Variants in EYS observed in about 807,000 individuals in gnomAD.
The protein encoded by EYS is protein eyes shut homolog.
A neutral mutation model predicts 282.1 loss-of-function variants in EYS; 250 were observed. The ratio of observed to expected loss-of-function variants is 0.89; its 90% CI spans 0.80 to 0.98. EYS has a LOEUF of 0.98. Among genes scored for constraint, EYS ranks in the 50% least tolerant of loss-of-function variants. EYS has a pLI of 0.00. For synonymous variants in EYS, 1,355 were observed against 1,282.9 expected (o/e 1.06, Z -1.20); for missense variants, 4,016 against 3,709.0 (o/e 1.08, Z -2.15).
At chr6:64,239,283 T>A (rs1174439976) in intron 30 of EYS, among the ~76,000 whole-genome samples, 1 of 152,230 alleles carries the variant, frequency 6.6e-6, no homozygotes, top group Non-Finnish European at 1.5e-5. Flanking sequence ...ATGGGATTGC[T>A]GGGTCAAATG....
chr6:65,520,857 G>A (rs561077177), intron 2 of EYS, among the ~76,000 whole-genome samples: 5 of 151,912 alleles, frequency 3.3e-5, no homozygotes, highest in African/African-American at 1.2e-4. Flanking sequence ...GAATTTCATT[G>A]GACGAAGGGT....
chr6:64,422,340 G>C (rs1774264347), intron 28 of EYS, among the ~76,000 whole-genome samples: 1 of 152,112 alleles, frequency 6.6e-6, no homozygotes, highest in Non-Finnish European at 1.5e-5. Context: ...TGCTGAAAGG[G>C]ATACAGACAA....
intron 13 of EYS, among the ~76,000 whole-genome samples, chr6:65,015,971 G>A (rs2150135741): frequency 1.3e-5 from 2 of 150,496 alleles, no homozygotes; most frequent in South Asian, 4.2e-4. Flanking sequence ...CTTGAACCCA[G>A]GAGGCAGATG....
chr6:64,596,493 C>T (rs1465094558), intron 24 of EYS, among the ~76,000 whole-genome samples: 3 of 152,144 alleles, frequency 2.0e-5, no homozygotes, highest in East Asian at 1.9e-4. Context: ...CTTAAAGCAG[C>T]ATGGCATTGG....
intron 12 of EYS, among the ~76,000 whole-genome samples, chr6:65,141,055 C>A (rs559553242): frequency 1.3e-5 from 2 of 151,532 alleles, no homozygotes; most frequent in South Asian, 4.2e-4. Context: ...ATGTTTATTG[C>A]GGCACTATTC....
chr6:64,760,096 G>C (rs1339185417), intron 22 of EYS, among the ~76,000 whole-genome samples: 2 of 152,134 alleles, frequency 1.3e-5, no homozygotes, highest in Non-Finnish European at 2.9e-5. Flanking sequence ...TTGGAATGCT[G>C]AGTACAAACT....
intron 30 of EYS, among the ~76,000 whole-genome samples, chr6:64,275,728 G>A (rs149302845): frequency 0.01 from 1,555 of 151,444 alleles, 23 homozygotes; most frequent in East Asian, 0.046. Context: ...AGGCCGAGGC[G>A]GGCGGATCAC....
At chr6:65,274,483 T>C (rs1767989159) in intron 12 of EYS, among the ~76,000 whole-genome samples, 1 of 152,214 alleles carries the variant, frequency 6.6e-6, no homozygotes, top group Non-Finnish European at 1.5e-5. Flanking sequence ...GTCCCTAGTA[T>C]ACAGCTATTG....
At chr6:64,322,196 C>G (rs1561928927) in intron 29 of EYS, among the ~76,000 whole-genome samples, 1 of 151,886 alleles carries the variant, frequency 6.6e-6, no homozygotes, top group Non-Finnish European at 1.5e-5. Flanking sequence ...GAAAATTAAT[C>G]GACATTTTTT....
chr6:65,365,243 C>A (rs75191321), intron 8 of EYS, among the ~76,000 whole-genome samples: 2,707 of 151,780 alleles, frequency 0.018, 89 homozygotes, highest in African/African-American at 0.063. Context: ...CAACAACCAA[C>A]AAAAAACTCA....
At chr6:64,685,531 TAA>T (rs1301326853) in intron 22 of EYS, among the ~76,000 whole-genome samples, 1 of 152,086 alleles carries the variant, frequency 6.6e-6, no homozygotes, top group African/African-American at 2.4e-5. Flanking sequence ...GCTGGTTGTT[TAA>T]GAGTCTGGCA....
chr6:63,950,312 G>A (rs1257864564), intron 35 of EYS, among the ~76,000 whole-genome samples: 4 of 151,920 alleles, frequency 2.6e-5, no homozygotes, highest in Non-Finnish European at 4.4e-5. Context: ...GAAAATGTCC[G>A]GTTCCTGCCT....
chr6:64,904,674 T>A lies in EYS; in HGVS notation c.2642-2174A>T, dbSNP rs185871220. 4.5e-3 allele frequency among the ~76,000 whole-genome samples: 688 copies of A among 152,296 alleles called. 1 individual carries two copies. Among genetic ancestry groups the A allele is most frequent in the Non-Finnish European group, 8.2e-3 (559 of 68,022 alleles). ...TTGACACTAAAATGATTCTTAGAAA[T>A]GTTCTTTTGAGGCAGTGGAACTCAG... On this transcript the variant is annotated intron_variant, in intron 16 of 42. Coordinates refer to ENST00000503581, the MANE Select transcript of EYS (RefSeq NM_001142800.2).
chr6:64,860,667 G>T (rs1276000280), intron 19 of EYS, among the ~76,000 whole-genome samples: 1 of 152,210 alleles, frequency 6.6e-6, no homozygotes, highest in East Asian at 1.9e-4. Context: ...CTTTCTTGTT[G>T]CCTGCAACAT....
At chr6:64,110,742 A>G (rs928233581) in intron 31 of EYS, among the ~76,000 whole-genome samples, 10 of 152,044 alleles carry the variant, frequency 6.6e-5, no homozygotes, top group African/African-American at 2.4e-4. Flanking sequence ...ATTAGGACCT[A>G]AGGAACTGTA....
intron 26 of EYS, among the ~76,000 whole-genome samples, chr6:64,551,974 TG>T (rs1345584131): frequency 6.6e-6 from 1 of 152,176 alleles, no homozygotes; most frequent in African/African-American, 2.4e-5. Context: ...ACAGCGATAT[TG>T]GGCAGGCTGG....
intron 29 of EYS, among the ~76,000 whole-genome samples, chr6:64,333,017 G>C (rs1416639730): frequency 1.3e-5 from 2 of 152,108 alleles, no homozygotes; most frequent in Non-Finnish European, 2.9e-5. Flanking sequence ...TGTCATCACT[G>C]TATAGTAGAA....
At chr6:64,775,011 C>G (rs1394247376) in intron 22 of EYS, among the ~76,000 whole-genome samples, 1 of 151,918 alleles carries the variant, frequency 6.6e-6, no homozygotes, top group East Asian at 1.9e-4. Context: ...AGTAAATAGC[C>G]TGTAAATAGG....
chr6:65,615,418 A>G (rs914751199), intron 2 of EYS, among the ~76,000 whole-genome samples: 3 of 149,494 alleles, frequency 2.0e-5, no homozygotes, highest in African/African-American at 7.3e-5. Flanking sequence ...GTATATATAA[A>G]TATATATATT....
Sources: gnomAD v4.1 joint callset for allele counts (sites outside exome capture counted in the v4.1 genomes callset) on GRCh38, gnomAD v4.1.1 for gene constraint, MANE v1.5 for transcripts, NCBI Gene and HGNC (gene_info 2026-07-23, HGNC 2026-07-21) for gene names.